LAMA2: variants seen among roughly 807,000 people sequenced by gnomAD.
LAMA2 encodes laminin subunit alpha-2.
Under a neutral mutation model 364.8 loss-of-function variants are expected in LAMA2, and 269 were observed. The observed-to-expected ratio is 0.74, with a 90% CI of 0.67 to 0.82. LAMA2 has a LOEUF of 0.82. Ranked by LOEUF, LAMA2 falls within the 40% of genes least tolerant of loss-of-function variation. The probability of loss-of-function intolerance (pLI) is 0.00; values close to 1 mark genes in which losing one functional copy is unlikely to be tolerated. For synonymous variants in LAMA2, 1,379 were observed against 1,370.6 expected, an observed-to-expected ratio of 1.01 and a Z score of -0.14; for missense variants, 3,807 against 3,873.2, an observed-to-expected ratio of 0.98 and a Z score of 0.45.
intron 32 of LAMA2, 72 bp downstream of exon 32, chr6:129,353,429 AGTG>A: frequency 1.7e-6 from 2 of 1,183,864 alleles, no homozygotes; most frequent in Non-Finnish European, 2.5e-6. Flanking sequence ...AATGAGAAAG[AGTG>A]ACTCTCCCCG....
intron 12 of LAMA2, among the ~76,000 whole-genome samples, chr6:129,198,430 A>T (rs1781976864): frequency 6.6e-6 from 1 of 152,162 alleles, no homozygotes; most frequent in South Asian, 2.1e-4. Flanking sequence ...TAAGTTTATT[A>T]GTTCTTGCAA....
chr6:128,975,038 GA>G (rs1562885847), intron 1 of LAMA2, among the ~76,000 whole-genome samples: 1 of 152,038 alleles, frequency 6.6e-6, no homozygotes, highest in African/African-American at 2.4e-5. Context: ...ATTTTTAGTA[GA>G]GACGAGGTTT....
intron 62 of LAMA2, among the ~76,000 whole-genome samples, chr6:129,511,640 A>G (rs1005869324): frequency 2.6e-5 from 4 of 152,022 alleles, no homozygotes; most frequent in Admixed American, 1.3e-4. Flanking sequence ...TCTGATACTC[A>G]GTTCAGTTGG....
chr6:128,941,347 C>T (rs746709556), intron 1 of LAMA2, among the ~76,000 whole-genome samples: 1 of 152,094 alleles, frequency 6.6e-6, no homozygotes, highest in Admixed American at 6.5e-5. Flanking sequence ...CACTGTGGCT[C>T]TTGGAAAGGA....
intron 49 of LAMA2, 91 bp from the exon 50 acceptor site, chr6:129,464,199 G>A: frequency 8.9e-7 from 1 of 1,121,896 alleles, no homozygotes; most frequent in Non-Finnish European, 1.4e-6. Context: ...CCCTACAACA[G>A]CCTATAGTCT....
Position 129,349,368 on chromosome 6 carries a change from G to A in LAMA2, c.4507G>A (p.Gly1503Ser). ...CACGGCTTGTCCACGGGGATATGAAGGCCAGTACTGTGAAAGGTACCAACA... is the reference window on the plus strand; with the variant it reads ...CACGGCTTGTCCACGGGGATATGAAAGCCAGTACTGTGAAAGGTACCAACA... Reference protein sequence around the residue: ...RCTACPRGYEGQYCERCAPGY... With the variant: ...RCTACPRGYESQYCERCAPGY... The change falls in exon 31 of 65, where the codon GGC becomes AGC. Residue 1503 changes from glycine (G) to serine (S), a missense_variant. Physicochemically the swap from Gly to Ser is moderately conservative, Grantham distance 56. Around this residue, in one of 3 missense-constraint regions of LAMA2, gnomAD observed 3,333 missense variants for 3,345.7 expected, o/e 1.00. Transcript: ENST00000421865. The A allele has an allele frequency of 1.2e-6, 2 of 1,613,238 alleles. No homozygotes were observed. The highest frequency in any genetic ancestry group is 1.7e-6 in the Non-Finnish European group (2 of 1,179,368).
At chr6:129,420,390 C>G (rs1781017010) in intron 40 of LAMA2, among the ~76,000 whole-genome samples, 1 of 151,976 alleles carries the variant, frequency 6.6e-6, no homozygotes, top group Admixed American at 6.6e-5. Flanking sequence ...AGTCACCAAC[C>G]CTTACATATA....
At chr6:129,286,116 G>C (rs918833089) in intron 18 of LAMA2, among the ~76,000 whole-genome samples, 2 of 152,062 alleles carry the variant, frequency 1.3e-5, no homozygotes, top group African/African-American at 4.8e-5. Flanking sequence ...AAATGGTAGA[G>C]AGCCTTTCTC....
intron 7 of LAMA2, among the ~76,000 whole-genome samples, chr6:129,151,125 G>A (rs1372144112): frequency 6.6e-6 from 1 of 152,150 alleles, no homozygotes; most frequent in Non-Finnish European, 1.5e-5. Context: ...CCATATTCTT[G>A]AAGGTTACAG....
At chr6:129,320,987 G>A (rs965871463) in intron 28 of LAMA2, among the ~76,000 whole-genome samples, 1 of 152,308 alleles carries the variant, frequency 6.6e-6, no homozygotes, top group South Asian at 2.1e-4. Flanking sequence ...CAATGATTAG[G>A]AGATAGGATT....
At chr6:128,997,004 T>C (rs530409990) in intron 1 of LAMA2, among the ~76,000 whole-genome samples, 3 of 152,262 alleles carry the variant, frequency 2.0e-5, no homozygotes, top group African/African-American at 4.8e-5. Flanking sequence ...GAAACCATCA[T>C]TCTCAGCAAA....
intron 16 of LAMA2, among the ~76,000 whole-genome samples, 200 bp from the exon 17 acceptor site, chr6:129,270,424 G>A (rs1787843828): frequency 1.3e-5 from 2 of 151,994 alleles, no homozygotes; most frequent in Admixed American, 6.6e-5. Context: ...GTATGCATAT[G>A]CTGAAACTAC....
chr6:129,411,364 A>G (rs1386530589), intron 40 of LAMA2, among the ~76,000 whole-genome samples: 1 of 152,210 alleles, frequency 6.6e-6, no homozygotes, highest in Non-Finnish European at 1.5e-5. Context: ...GTTCAGATAT[A>G]ATGCATTTCT....
intron 1 of LAMA2, among the ~76,000 whole-genome samples, chr6:128,965,979 G>GTT (rs11342050): frequency 1.2e-3 from 138 of 112,772 alleles, no homozygotes; most frequent in South Asian, 2.1e-3. Context: ...TAAACCAGAG[G>GTT]TTTTTTTTTT....
chr6:129,046,245 A>G (rs981495503), intron 1 of LAMA2, among the ~76,000 whole-genome samples: 5 of 152,204 alleles, frequency 3.3e-5, no homozygotes, highest in Non-Finnish European at 7.4e-5. Flanking sequence ...TTATGTTAAT[A>G]TGTAAGTGCA....
At chr6:129,307,946 T>C (rs1554267717) in intron 22 of LAMA2, among the ~76,000 whole-genome samples, 1 of 152,236 alleles carries the variant, frequency 6.6e-6, no homozygotes, top group Non-Finnish European at 1.5e-5. Context: ...CCTATAGAGA[T>C]GTAAACTTTT....
At chr6:129,197,624 G>A (rs1781929765) in intron 12 of LAMA2, among the ~76,000 whole-genome samples, 1 of 152,126 alleles carries the variant, frequency 6.6e-6, no homozygotes, top group Non-Finnish European at 1.5e-5. Context: ...CATATTCTCA[G>A]GACCTCCTAA....
intron 3 of LAMA2, among the ~76,000 whole-genome samples, chr6:129,064,518 G>A (rs947256036): frequency 1.1e-4 from 17 of 151,850 alleles, no homozygotes; most frequent in African/African-American, 4.1e-4. Flanking sequence ...CTTGGGTTTT[G>A]GAAAATATAA....
In LAMA2 at chr6:129,369,868, T is replaced by C. The variant is rs753387511; in HGVS notation, c.4861-24T>C. ...ACTGCAAGGCCATTTACTAAAAATGTTTATGGGATGGAATCTTTTTCAGCA... is the reference window on the plus strand; with the variant it reads ...ACTGCAAGGCCATTTACTAAAAATGCTTATGGGATGGAATCTTTTTCAGCA... On this transcript the variant is annotated intron_variant, in intron 33 of 64. Transcript: ENST00000421865. 28 of 1,603,010 alleles carry C rather than the reference T, an allele frequency of 1.7e-5. No individual in the cohort carries two copies. The South Asian group carries it at 3.0e-4, about 17-fold the overall frequency.
Sources: allele counts gnomAD v4.1 joint callset (sites outside exome capture counted in the v4.1 genomes callset), GRCh38; gene constraint gnomAD v4.1.1; regional missense constraint gnomAD v4.1.1; transcripts MANE v1.5; gene names NCBI Gene and HGNC (gene_info 2026-07-23, HGNC 2026-07-21).